Variants in PLCL2 observed in about 807,000 individuals in gnomAD.
PLCL2 encodes the protein inactive phospholipase C-like protein 2.
A neutral mutation model predicts 79.6 loss-of-function variants in PLCL2; 4 were observed. The ratio of observed to expected loss-of-function variants is 0.05; its 90% CI spans 0.02 to 0.11. The LOEUF is 0.11. PLCL2 is among the 10% of genes least tolerant of loss of function. The probability of loss-of-function intolerance (pLI) is 1.00; values close to 1 mark genes in which losing one functional copy is unlikely to be tolerated. For synonymous variants in PLCL2, 484 were observed against 457.7 expected (o/e 1.06, Z -0.73); for missense variants, 895 against 1,291.0 (o/e 0.69, Z 4.70).
At chr3:16,894,510 A>G (rs946159758) in intron 1 of PLCL2, among the ~76,000 whole-genome samples, 23 of 152,224 alleles carry the variant, frequency 1.5e-4, no homozygotes, top group African/African-American at 5.3e-4. Flanking sequence ...AGTAGATACT[A>G]TTAGGTGATT....
At chr3:17,080,828 G>C (rs1468654721) in intron 5 of PLCL2, among the ~76,000 whole-genome samples, 1 of 152,188 alleles carries the variant, frequency 6.6e-6, no homozygotes, top group Admixed American at 6.5e-5. Context: ...TTTAATCACA[G>C]GAAGAGTGAA....
intron 1 of PLCL2, among the ~76,000 whole-genome samples, chr3:16,979,993 T>C (rs4685412): frequency 0.59 from 80,499 of 137,436 alleles, 23,428 homozygotes; most frequent in South Asian, 0.65. Context: ...CCCTCCTGGA[T>C]GGGGCAGCTG....
chr3:16,957,240 G>A (rs1285566686), intron 1 of PLCL2, among the ~76,000 whole-genome samples: 4 of 152,048 alleles, frequency 2.6e-5, no homozygotes, highest in African/African-American at 7.2e-5. Context: ...GTTTGTTCTC[G>A]TTGGTTTCAA....
intron 1 of PLCL2, among the ~76,000 whole-genome samples, chr3:17,004,412 C>A (rs556722843): frequency 4.1e-4 from 63 of 152,152 alleles, no homozygotes; most frequent in African/African-American, 1.5e-3. Context: ...AGAGGAGCGC[C>A]CATGGAGGAG....
chr3:16,923,003 A>G (rs989760746), intron 1 of PLCL2, among the ~76,000 whole-genome samples: 2 of 152,220 alleles, frequency 1.3e-5, no homozygotes, highest in South Asian at 2.1e-4. Context: ...CATATTTAAA[A>G]TATAGCAACC....
At chr3:16,950,157 C>G (rs2063637754) in intron 1 of PLCL2, among the ~76,000 whole-genome samples, 1 of 152,190 alleles carries the variant, frequency 6.6e-6, no homozygotes, top group African/African-American at 2.4e-5. Context: ...GCATCAACCT[C>G]TCAATTCCTT....
chr3:16,998,204 T>C (rs918647716), intron 1 of PLCL2, among the ~76,000 whole-genome samples: 1 of 151,614 alleles, frequency 6.6e-6, no homozygotes, highest in Non-Finnish European at 1.5e-5. Flanking sequence ...AAATAATTTT[T>C]TTTTCAAAGT....
chr3:16,938,141 A>G (rs1697588447), intron 1 of PLCL2, among the ~76,000 whole-genome samples: 1 of 152,230 alleles, frequency 6.6e-6, no homozygotes, highest in African/African-American at 2.4e-5. Flanking sequence ...AAAAACATTG[A>G]CTTGCTTATA....
intron 3 of PLCL2, among the ~76,000 whole-genome samples, chr3:17,029,960 A>C (rs1259381182): frequency 1.3e-5 from 2 of 152,194 alleles, no homozygotes; most frequent in African/African-American, 2.4e-5. Flanking sequence ...TGGTATATTC[A>C]CAGACCACCC....
At chr3:17,000,796 AC>A (rs761122799) in intron 1 of PLCL2, among the ~76,000 whole-genome samples, 4 of 152,208 alleles carry the variant, frequency 2.6e-5, no homozygotes, top group Non-Finnish European at 5.9e-5. Context: ...ATGTATACTT[AC>A]CATATTTTAA....
intron 1 of PLCL2, among the ~76,000 whole-genome samples, chr3:16,940,888 G>A (rs1697664486): frequency 6.6e-6 from 1 of 152,170 alleles, no homozygotes; most frequent in African/African-American, 2.4e-5. Context: ...CATGAGGGAT[G>A]GCTGCTGCTC....
intron 1 of PLCL2, among the ~76,000 whole-genome samples, chr3:17,000,202 A>G (rs1432895683): frequency 6.6e-6 from 1 of 152,172 alleles, no homozygotes; most frequent in Admixed American, 6.5e-5. Context: ...CTTTTCCCAT[A>G]AAACTGTCCA....
intron 5 of PLCL2, among the ~76,000 whole-genome samples, chr3:17,080,780 A>G (rs766874170): frequency 6.6e-6 from 1 of 152,200 alleles, no homozygotes; most frequent in Non-Finnish European, 1.5e-5. Context: ...TCCTCATTCA[A>G]CAAACACACA....
At chr3:16,955,046 C>A (rs1316569941) in intron 1 of PLCL2, among the ~76,000 whole-genome samples, 9 of 152,162 alleles carry the variant, frequency 5.9e-5, no homozygotes, top group African/African-American at 2.2e-4. Flanking sequence ...TCCCATTTGT[C>A]AATTTTGGCT....
At chr3:17,040,659 A>G (rs1050221866) in intron 3 of PLCL2, among the ~76,000 whole-genome samples, 3 of 152,092 alleles carry the variant, frequency 2.0e-5, no homozygotes, top group African/African-American at 7.2e-5. Flanking sequence ...ATGAGGTGTA[A>G]TGTCTTTAAT....
chr3:16,888,634 ATATAATC>A (rs1696277668), intron 1 of PLCL2, among the ~76,000 whole-genome samples: 1 of 152,202 alleles, frequency 6.6e-6, no homozygotes. Context: ...ACTCTATTCA[ATATAATC>A]TATGCTTTAT....
intron 5 of PLCL2, among the ~76,000 whole-genome samples, chr3:17,074,203 T>G (rs906174892): frequency 3.9e-5 from 6 of 152,238 alleles, no homozygotes; most frequent in Non-Finnish European, 7.3e-5. Flanking sequence ...GAATGGATAT[T>G]GTATTAGCAG....
intron 1 of PLCL2, among the ~76,000 whole-genome samples, chr3:16,975,368 C>T (rs80087828): frequency 0.021 from 3,178 of 152,222 alleles, 54 homozygotes; most frequent in South Asian, 0.043. Flanking sequence ...AGATTTCAGG[C>T]CATTGCTCTT....
At chr3:16,937,617 G>A (rs753013866) in intron 1 of PLCL2, among the ~76,000 whole-genome samples, 1 of 152,228 alleles carries the variant, frequency 6.6e-6, no homozygotes, top group Non-Finnish European at 1.5e-5. Flanking sequence ...CAATTCAGAT[G>A]AAGCACCCAC....
Sources: allele counts gnomAD v4.1 joint callset (sites outside exome capture counted in the v4.1 genomes callset), GRCh38; gene constraint gnomAD v4.1.1; transcripts MANE v1.5; gene names NCBI Gene and HGNC (gene_info 2026-07-23, HGNC 2026-07-21).